The following POLR2E variants were observed in gnomAD, a reference collection of about 807,000 sequenced individuals.
POLR2E encodes the protein DNA-directed RNA polymerases I, II, and III subunit RPABC1.
Under a neutral mutation model 29.8 loss-of-function variants are expected in POLR2E, and 35 were observed. The observed-to-expected ratio is 1.17, with a 90% confidence interval of 0.90 to 1.55. The LOEUF (loss-of-function observed/expected upper bound fraction) is 1.55, where lower values mean the gene tolerates loss of function less well. Ranked by LOEUF, POLR2E falls within the 40% of genes most tolerant of loss-of-function variation. POLR2E has a pLI of 0.00. For synonymous variants in POLR2E, 174 were observed against 112.6 expected, an observed-to-expected ratio of 1.55 and a Z score of -3.45; for missense variants, 287 against 288.6, an observed-to-expected ratio of 0.99 and a Z score of 0.04.
chr19:1,090,542 C>T (rs1422276402), intron 4 of POLR2E, among the ~76,000 whole-genome samples: 3 of 150,210 alleles, frequency 2.0e-5, no homozygotes, highest in Non-Finnish European at 4.4e-5. Flanking sequence ...CTCGGCTCCC[C>T]GAGTAGCTGG....
rs1042635756 is a variant in POLR2E, at chr19:1,086,765, G to A, written c.*1970C>T. ...CCCTAGGGGAGGGATGTGTGAGGAAGGGAACCCCCCGCCACGGGGCCCCGC... is the reference window on the plus strand; with the variant it reads ...CCCTAGGGGAGGGATGTGTGAGGAAAGGAACCCCCCGCCACGGGGCCCCGC... On this transcript the variant is annotated 3_prime_UTR_variant, in exon 8 of 8. Coordinates refer to ENST00000615234, the MANE Select transcript of POLR2E (RefSeq NM_002695.5). 1.3e-5 allele frequency: 2 copies of A among 151,972 alleles called. No individual in the cohort carries two copies. Among genetic ancestry groups the A allele is most frequent in the Middle Eastern group, 3.2e-3 (1 of 316 alleles). The allele number at this position is 151,972 out of a possible 1,614,324, so 9.4% of individuals were successfully genotyped here. A position where few individuals can be genotyped will look rare whatever the true frequency, so the allele number is the denominator to read the frequency against.
In POLR2E at chr19:1,088,081, G is replaced by C. The variant is rs147347310; in HGVS notation, c.*654C>G. On this transcript the variant is annotated 3_prime_UTR_variant, in exon 8 of 8. Transcript: ENST00000615234. ...AGACACTGACCCCTGAAGCCAGCGC[G>C]AGGAGGGCACACCTGCCAGGCTGAC... 6.6e-6 allele frequency: 1 copy of C among 152,434 alleles called. No homozygotes were observed. The highest frequency in any genetic ancestry group is 1.5e-5 in the Non-Finnish European group (1 of 68,090). 9.4% of individuals were successfully genotyped at this position (152,434 alleles called of 1,614,324 possible).
chr19:1,090,669 C>T lies in POLR2E; in HGVS notation c.429+239G>A, dbSNP rs193183214. ...TCCTGACCTCGTGATCCGCCCGCCT[C>T]GGCCTCCCAAAGTGCTGGGATTACA... On this transcript the variant is annotated intron_variant, in intron 4 of 7. Coordinates refer to ENST00000615234, the MANE Select transcript of POLR2E (RefSeq NM_002695.5). Among the ~76,000 whole-genome samples the T allele has an allele frequency of 6.6e-5, 10 of 152,026 alleles. No homozygotes were observed. The East Asian group carries it at 1.4e-3, about 21-fold the overall frequency.
Position 1,090,072 on chromosome 19 carries a change from G to T in POLR2E, c.488+15C>A. 1 of 1,611,116 alleles carries T rather than the reference G, an allele frequency of 6.2e-7. No individual in the cohort carries two copies. Among genetic ancestry groups the T allele is most frequent in the Middle Eastern group, 1.7e-4 (1 of 5,950 alleles). ...GGACAGGGAGGGGCGGGGCCGGTGG[G>T]GCTGGAAAGGATACTATCGGGCCAG... On this transcript the variant is annotated intron_variant, in intron 5 of 7. Transcript: ENST00000615234.
At chr19:1,092,639 G>A (rs2043861609) in intron 2 of POLR2E, among the ~76,000 whole-genome samples, 2 of 152,070 alleles carry the variant, frequency 1.3e-5, no homozygotes, top group Admixed American at 1.3e-4. Context: ...AGTGGGCAGA[G>A]ATTGCGCCAC....
chr19:1,090,850 C>T, intron 4 of POLR2E, 58 bp downstream of exon 4: 1 of 1,466,322 alleles, frequency 6.8e-7, no homozygotes, highest in Non-Finnish European at 9.4e-7. Context: ...CCTGGCCACC[C>T]ACAAACGCTG....
At chr19:1,091,655 A>G (rs2043833549) in intron 3 of POLR2E, 137 bp downstream of exon 3, 1 of 640,770 alleles carries the variant, frequency 1.6e-6, no homozygotes, top group East Asian at 2.8e-5. Context: ...GGCTTGCCGG[A>G]CATCCCGGCC....
intron 2 of POLR2E, among the ~76,000 whole-genome samples, 175 bp from the exon 3 acceptor site, chr19:1,092,082 AAG>A (rs1215499525): frequency 6.6e-6 from 1 of 152,174 alleles, no homozygotes; most frequent in African/African-American, 2.4e-5. Context: ...AGGACAGGGG[AAG>A]AGAGGGCTGA....
At chr19:1,093,861 C>T (rs2145148771) in intron 2 of POLR2E, 43 bp downstream of exon 2, 1 of 1,526,298 alleles carries the variant, frequency 6.6e-7, no homozygotes, top group African/African-American at 1.4e-5. Context: ...TCGGCAGGTG[C>T]TCTGGTGGCT....
intron 5 of POLR2E, 52 bp downstream of exon 5, chr19:1,090,034 CG>C: frequency 1.4e-6 from 2 of 1,442,536 alleles, no homozygotes; most frequent in Admixed American, 1.9e-5. Context: ...GGGGGGAACG[CG>C]GAAGTCTCGA....
chr19:1,090,783 C>T lies in POLR2E; in HGVS notation c.429+125G>A, dbSNP rs938532156. 3.8e-6 allele frequency: 3 copies of T among 794,426 alleles called. No individual in the cohort carries two copies. The East Asian group carries it at 8.1e-5, about 22-fold the overall frequency. 49.2% of individuals were successfully genotyped at this position (794,426 alleles called of 1,614,324 possible). ...CAGGCCCAGGGCCACCCTTTGAGAA[C>T]CCTGTCCTCCATGCACTAATAGGAA... On this transcript the variant is annotated intron_variant, in intron 4 of 7. Coordinates refer to ENST00000615234, the MANE Select transcript of POLR2E (RefSeq NM_002695.5).
intron 3 of POLR2E, 66 bp from the exon 4 acceptor site, chr19:1,091,054 C>A (rs937962593): frequency 1.4e-6 from 2 of 1,387,282 alleles, no homozygotes; most frequent in Non-Finnish European, 2.0e-6. Context: ...CATTTCCTGC[C>A]TCAAGCTACC....
At position 1,093,809 on chromosome 19, in the gene POLR2E, T is replaced by G. The variant is rs1041694465; in HGVS notation, c.232+95A>C. The G allele has an allele frequency of 9.1e-5, 132 of 1,447,350 alleles. 1 individual carries two copies. In the Admixed American group the frequency reaches 3.6e-3, roughly 39 times the overall value. 89.7% of individuals were successfully genotyped at this position (1,447,350 alleles called of 1,614,324 possible). On this transcript the variant is annotated intron_variant, in intron 2 of 7. Coordinates refer to ENST00000615234, the MANE Select transcript of POLR2E (RefSeq NM_002695.5). ...CCAGACTGGGCAGAGAGACAAATGC[T>G]GGGCACCAGGCGAGTGGGGGTGGGT... is the stretch of plus-strand genomic sequence containing the variant.
chr19:1,095,036 A>G (rs780255737), intron 1 of POLR2E: 304 of 507,462 alleles, frequency 6.0e-4, no homozygotes, highest in Middle Eastern at 1.6e-3. Context: ...ACCCACCCCT[A>G]AGCACCGCAC....
rs959662234 is a variant in POLR2E, at chr19:1,086,775, C to T, written c.*1960G>A. The T allele has an allele frequency of 3.3e-5, 5 of 152,200 alleles. No individual in the cohort carries two copies. Among genetic ancestry groups the T allele is most frequent in the East Asian group, 3.8e-4 (2 of 5,250 alleles). 9.4% of individuals were successfully genotyped at this position (152,200 alleles called of 1,614,324 possible). On this transcript the variant is annotated 3_prime_UTR_variant, in exon 8 of 8. Transcript: ENST00000615234. ...GGGATGTGTGAGGAAGGGAACCCCC[C>T]GCCACGGGGCCCCGCGAGGTGGGAG...
rs941004679 is a variant in POLR2E, at chr19:1,091,712, C to G, written c.348+80G>C. The G allele has an allele frequency of 3.3e-5, 29 of 892,234 alleles. 1 individual carries two copies. The South Asian group carries it at 3.9e-4, about 12-fold the overall frequency. 55.3% of individuals were successfully genotyped at this position (892,234 alleles called of 1,614,324 possible). On this transcript the variant is annotated intron_variant, in intron 3 of 7. Coordinates refer to ENST00000615234, the MANE Select transcript of POLR2E (RefSeq NM_002695.5). ...CTGGCCTGGCCCAAAGCCCAAGGCACGTGGGCCGCCTGTGGGTACTGCTTG... is the reference window on the plus strand; with the variant it reads ...CTGGCCTGGCCCAAAGCCCAAGGCAGGTGGGCCGCCTGTGGGTACTGCTTG...
intron 2 of POLR2E, chr19:1,092,471 G>C (rs1374842473): frequency 1.3e-5 from 2 of 152,360 alleles, no homozygotes; most frequent in Admixed American, 6.5e-5. Context: ...GGAGGTCAAG[G>C]TGGGCAGATC....
chr19:1,094,369 T>C (rs1431440036), intron 1 of POLR2E: 3 of 409,856 alleles, frequency 7.3e-6, no homozygotes, highest in East Asian at 4.3e-5. Flanking sequence ...CAAACCACTT[T>C]GCAGAGCTAC....
In POLR2E at chr19:1,087,989, G is replaced by C. The variant is rs2043742659; in HGVS notation, c.*746C>G. On this transcript the variant is annotated 3_prime_UTR_variant, in exon 8 of 8. Transcript: ENST00000615234. ...ACAACTCCACACCCTCACGGGAAGG[G>C]AAGAGACAGACACGCTCACGCCTTA... The C allele has an allele frequency of 6.6e-6, 1 of 152,406 alleles. No homozygotes were observed. The highest frequency in any genetic ancestry group is 2.4e-5 in the African/African-American group (1 of 41,448). The allele number at this position is 152,406 out of a possible 1,614,324, so 9.4% of individuals were successfully genotyped here.
Sources: allele counts gnomAD v4.1 joint callset (sites outside exome capture counted in the v4.1 genomes callset), GRCh38; gene constraint gnomAD v4.1.1; transcripts MANE v1.5; gene names NCBI Gene and HGNC (gene_info 2026-07-23, HGNC 2026-07-21).